The following SKI variants were observed in gnomAD, a reference collection of about 807,000 sequenced individuals.
SKI encodes SKI proto-oncogene.
Under a neutral mutation model 59.3 loss-of-function variants are expected in SKI, and 23 were observed. That is an observed-to-expected ratio of 0.39 (90% CI 0.28 to 0.55). SKI has a LOEUF of 0.55. Among genes scored for constraint, SKI ranks in the 20% least tolerant of loss-of-function variants. SKI has a pLI of 0.67. For synonymous variants in SKI, 673 were observed against 488.6 expected (o/e 1.38, Z -4.98); for missense variants, 1,017 against 1,038.9 (o/e 0.98, Z 0.29).
Position 2,306,105 on chromosome 1 carries a change from G to A in SKI, c.1853G>A (p.Arg618His), listed in dbSNP as rs1416321268. Residue 618 changes from arginine (R) to histidine (H), a missense_variant, in exon 6 of 7, where the codon CGT becomes CAT. Transcript: ENST00000378536. ...AKRNLRKEIE[R>H]LRAENEKKMK... ...CGTAACCTGCGGAAGGAGATCGAGC[G>A]TCTCCGCGCCGAGAACGAGAAGAAG... 1.2e-6 allele frequency: 2 copies of A among 1,600,146 alleles called. No individual in the cohort carries two copies. Among genetic ancestry groups the A allele is most frequent in the African/African-American group, 1.3e-5 (1 of 74,842 alleles).
chr1:2,266,824 C>G (rs1569764913), intron 1 of SKI, among the ~76,000 whole-genome samples: 1 of 152,184 alleles, frequency 6.6e-6, no homozygotes, highest in South Asian at 2.1e-4. Context: ...GGGCTCCCCT[C>G]TAGGCTGAGG....
chr1:2,278,025 CAT>C (rs1639784063), intron 1 of SKI, among the ~76,000 whole-genome samples: 1 of 152,276 alleles, frequency 6.6e-6, no homozygotes, highest in South Asian at 2.1e-4. Flanking sequence ...GGCACACACA[CAT>C]GCACCCACTC....
chr1:2,271,686 G>A (rs980946354), intron 1 of SKI, among the ~76,000 whole-genome samples: 1 of 151,412 alleles, frequency 6.6e-6, no homozygotes, highest in South Asian at 2.1e-4. Context: ...CTGCGGGCCC[G>A]CCCCAGGGCG....
At position 2,229,288 on chromosome 1, in the gene SKI, C is replaced by T. The variant is rs771747350; in HGVS notation, c.522C>T (p.Cys174=). The part of the protein sequence containing the change: ...MGILPFSAPS[C]GLITKTDAER... ...TCCTGCCCTTCTCGGCGCCCTCGTGCGGGCTCATCACCAAGACGGACGCCG... is the reference window on the plus strand; with the variant it reads ...TCCTGCCCTTCTCGGCGCCCTCGTGTGGGCTCATCACCAAGACGGACGCCG... The change falls in exon 1 of 7, where the codon TGC becomes TGT. Residue 174 remains cysteine (C), a synonymous_variant. Transcript: ENST00000378536. The surrounding 1 kb of genome is among the most constrained non-coding windows in gnomAD (Gnocchi z 6.3). 3 of 1,595,994 alleles carry T rather than the reference C, an allele frequency of 1.9e-6. No individual in the cohort carries two copies. The highest frequency in any genetic ancestry group is 1.1e-5 in the South Asian group (1 of 89,114).
intron 1 of SKI, among the ~76,000 whole-genome samples, chr1:2,255,321 C>T (rs868027420): frequency 6.6e-6 from 1 of 152,256 alleles, no homozygotes; most frequent in Non-Finnish European, 1.5e-5. Context: ...GCCCCACGTG[C>T]TGACACCTTG....
At chr1:2,280,257 C>A (rs1458193108) in intron 1 of SKI, among the ~76,000 whole-genome samples, 1 of 151,666 alleles carries the variant, frequency 6.6e-6, no homozygotes, top group South Asian at 2.1e-4. Context: ...TGCCTGTAGT[C>A]CCCAGCTACT....
chr1:2,240,716 G>A (rs979936999), intron 1 of SKI: 1 of 985,350 alleles, frequency 1.0e-6, no homozygotes, highest in African/African-American at 1.7e-5. Flanking sequence ...TCTAGATCCA[G>A]GAGAGCGGTG....
At chr1:2,275,367 G>A (rs1639718395) in intron 1 of SKI, among the ~76,000 whole-genome samples, 1 of 152,220 alleles carries the variant, frequency 6.6e-6, no homozygotes, top group South Asian at 2.1e-4. Flanking sequence ...GGAGCAGTGG[G>A]GCTGCCCCAG....
In SKI at chr1:2,228,867, GC is replaced by G; in HGVS notation, c.104del (p.Pro35ArgfsTer253). ...FHLSSMSSLG[G>X]PAAFSARWAQ... Reference sequence around the variant, plus strand: ...CTGAGCTCCATGAGCTCGCTGGGCGGCCCGGCCGCTTTCTCGGCGCGCTGGG... The same window carrying G: ...CTGAGCTCCATGAGCTCGCTGGGCGGCCGGCCGCTTTCTCGGCGCGCTGGG... On this transcript the variant is annotated frameshift_variant, in exon 1 of 7. Coordinates refer to ENST00000378536, the MANE Select transcript of SKI (RefSeq NM_003036.4). LOFTEE classifies it high-confidence loss of function. The G allele has an allele frequency of 7.0e-7, 1 of 1,430,790 alleles. No homozygotes were observed. The highest frequency in any genetic ancestry group is 2.4e-5 in the Admixed American group (1 of 41,592). 88.6% of individuals were successfully genotyped at this position (1,430,790 alleles called of 1,614,324 possible).
At chr1:2,234,639 C>T (rs909681814) in intron 1 of SKI, among the ~76,000 whole-genome samples, 2 of 152,292 alleles carry the variant, frequency 1.3e-5, no homozygotes, top group African/African-American at 4.8e-5. Context: ...GGGCCTGGGC[C>T]CTGACTGTCT....
intron 5 of SKI, among the ~76,000 whole-genome samples, chr1:2,305,582 G>A (rs777765594): frequency 1.1e-4 from 17 of 152,144 alleles, no homozygotes; most frequent in Non-Finnish European, 1.9e-4. Context: ...TGGGGAGAGT[G>A]GGGGGGCTTG....
In SKI at chr1:2,282,505, C is replaced by T. The variant is rs539443564; in HGVS notation, c.970-20473C>T. Among the ~76,000 whole-genome samples the T allele has an allele frequency of 1.4e-3, 181 of 126,008 alleles. 2 individuals carry two copies. The highest frequency in any genetic ancestry group is 4.2e-3 in the Middle Eastern group (1 of 236). The allele number at this position is 126,008 out of a possible 152,430, so 82.7% of individuals were successfully genotyped here. A position where few individuals can be genotyped will look rare whatever the true frequency, so the allele number is the denominator to read the frequency against. On this transcript the variant is annotated intron_variant, in intron 1 of 6. Coordinates refer to ENST00000378536, the MANE Select transcript of SKI (RefSeq NM_003036.4). ...GTGGTGGAGATCTTCAGAGAGAGGA[C>T]GCCTGAGAAGACAGGCAGTGGCGGA...
Position 2,228,729 on chromosome 1 carries a change from C to T in SKI, c.-38C>T. The T allele has an allele frequency of 9.7e-7, 1 of 1,034,126 alleles. No individual in the cohort carries two copies. Among genetic ancestry groups the T allele is most frequent in the Non-Finnish European group, 1.2e-6 (1 of 863,004 alleles). The allele number at this position is 1,034,126 out of a possible 1,614,324, so 64.1% of individuals were successfully genotyped here. A position where few individuals can be genotyped will look rare whatever the true frequency, so the allele number is the denominator to read the frequency against. On this transcript the variant is annotated 5_prime_UTR_variant, in exon 1 of 7. Coordinates refer to ENST00000378536, the MANE Select transcript of SKI (RefSeq NM_003036.4). ...GGCGGGGGCCGGGGGGGCCCGGGCG[C>T]GCGGGAGCGGGAGCGGCCGGGGGAG...
intron 1 of SKI, among the ~76,000 whole-genome samples, chr1:2,265,741 C>T (rs956987128): frequency 6.6e-6 from 1 of 151,980 alleles, no homozygotes; most frequent in South Asian, 2.1e-4. Flanking sequence ...CTGAGGTGGG[C>T]AGATTGCTTG....
At chr1:2,247,557 A>G (rs1214537908) in intron 1 of SKI, among the ~76,000 whole-genome samples, 2 of 152,166 alleles carry the variant, frequency 1.3e-5, no homozygotes, top group Non-Finnish European at 2.9e-5. Context: ...GGTGTGGTGG[A>G]CCCGGGGCAA....
intron 1 of SKI, among the ~76,000 whole-genome samples, chr1:2,283,388 G>A (rs908825515): frequency 6.6e-6 from 1 of 152,208 alleles, no homozygotes; most frequent in Non-Finnish European, 1.5e-5. Flanking sequence ...GTATGTCTCT[G>A]TGAAAATGGG....
At chr1:2,248,128 C>G (rs1213593154) in intron 1 of SKI, 2 of 152,318 alleles carry the variant, frequency 1.3e-5, no homozygotes, top group Admixed American at 1.3e-4. Flanking sequence ...AGCCCACATT[C>G]CTTCCCCAGA....
At chr1:2,296,987 A>T (rs1206599638) in intron 1 of SKI, among the ~76,000 whole-genome samples, 2 of 152,108 alleles carry the variant, frequency 1.3e-5, no homozygotes, top group Non-Finnish European at 2.9e-5. Context: ...TGGCCTCTGC[A>T]GGTGAGAATT....
At position 2,307,619 on chromosome 1, in the gene SKI, C is replaced by G. The variant is rs1043403720; in HGVS notation, c.*854C>G. The G allele has an allele frequency of 6.6e-6, 1 of 152,556 alleles. No individual in the cohort carries two copies. Among genetic ancestry groups the G allele is most frequent in the Non-Finnish European group, 1.5e-5 (1 of 68,056 alleles). 9.5% of individuals were successfully genotyped at this position (152,556 alleles called of 1,614,324 possible). On this transcript the variant is annotated 3_prime_UTR_variant, in exon 7 of 7. Transcript: ENST00000378536. ...CCTGACCGGGCGACCCTTTTCAGTT[C>G]GGCAAACGTCGCTCCCTTCATTTTG...
Sources: allele counts gnomAD v4.1 joint callset (sites outside exome capture counted in the v4.1 genomes callset), GRCh38; gene constraint gnomAD v4.1.1; non-coding constraint Gnocchi (gnomAD v3.1); transcripts MANE v1.5; gene names NCBI Gene and HGNC (gene_info 2026-07-23, HGNC 2026-07-21).